Variants in DPP10 observed in about 807,000 individuals in gnomAD.
DPP10 encodes inactive dipeptidyl peptidase 10.
DPP10 carries 33 observed loss-of-function variants against 120.9 expected under a neutral mutation model. The observed-to-expected ratio is 0.27, with a 90% CI of 0.21 to 0.37. The LOEUF is 0.37. DPP10 is among the 10% of genes least tolerant of loss of function. DPP10 has a pLI of 1.00. For synonymous variants in DPP10, 337 were observed against 326.1 expected (o/e 1.03, Z -0.36); for missense variants, 816 against 942.8 (o/e 0.87, Z 1.76).
At chr2:114,826,881 A>G (rs1686594527) in intron 1 of DPP10, among the ~76,000 whole-genome samples, 1 of 152,148 alleles carries the variant, frequency 6.6e-6, no homozygotes, top group Non-Finnish European at 1.5e-5. Context: ...AGTTGTAGAG[A>G]AACATGATTG....
At chr2:115,468,950 A>G (rs891821350) in intron 3 of DPP10, 3 of 221,242 alleles carry the variant, frequency 1.4e-5, no homozygotes, top group African/African-American at 2.5e-5. Flanking sequence ...CTGTTCTTTC[A>G]TAGATACTTT....
chr2:115,572,846 T>C (rs577968419), intron 5 of DPP10, among the ~76,000 whole-genome samples: 37 of 152,304 alleles, frequency 2.4e-4, no homozygotes, highest in African/African-American at 8.2e-4. Context: ...GTAACTCTTA[T>C]GAGAAATACC....
chr2:115,126,477 G>A (rs555355166), intron 1 of DPP10, among the ~76,000 whole-genome samples: 23 of 152,068 alleles, frequency 1.5e-4, no homozygotes, highest in African/African-American at 4.8e-4. Context: ...CTGTCCACCC[G>A]GAGTAGTTGA....
At chr2:115,583,680 A>G (rs2082127111) in intron 5 of DPP10, among the ~76,000 whole-genome samples, 1 of 152,236 alleles carries the variant, frequency 6.6e-6, no homozygotes, top group African/African-American at 2.4e-5. Flanking sequence ...TATTCTACTG[A>G]TCAAATAGTC....
intron 5 of DPP10, among the ~76,000 whole-genome samples, chr2:115,540,922 C>T (rs1194736541): frequency 6.6e-6 from 1 of 151,694 alleles, no homozygotes; most frequent in Non-Finnish European, 1.5e-5. Context: ...TCTTTGTTTG[C>T]AGATTGAATG....
chr2:115,602,574 C>T (rs1387676554), intron 5 of DPP10, among the ~76,000 whole-genome samples: 1 of 151,934 alleles, frequency 6.6e-6, no homozygotes, highest in East Asian at 1.9e-4. Context: ...TTTCATTCTT[C>T]TCTTTCATGT....
chr2:114,663,658 T>TAGAGAGAGAG (rs1385374204), intron 1 of DPP10, among the ~76,000 whole-genome samples: 2 of 91,260 alleles, frequency 2.2e-5, no homozygotes, highest in East Asian at 3.0e-4. Flanking sequence ...TATATATATA[T>TAGAGAGAGAG]ATATATATAT....
At chr2:115,103,396 G>A (rs1434566449) in intron 1 of DPP10, among the ~76,000 whole-genome samples, 2 of 151,978 alleles carry the variant, frequency 1.3e-5, no homozygotes, top group African/African-American at 4.8e-5. Context: ...CACCATGTTA[G>A]CCAGGATGGC....
intron 1 of DPP10, among the ~76,000 whole-genome samples, chr2:114,481,867 A>G (rs1367344774): frequency 6.6e-6 from 1 of 151,138 alleles, no homozygotes; most frequent in Non-Finnish European, 1.5e-5. Context: ...GTTCTTCACA[A>G]GGAGAGAGAG....
chr2:115,157,244 C>CAAAAAAAAAAAAAAAA (rs569338436), intron 1 of DPP10, among the ~76,000 whole-genome samples: 1 of 101,512 alleles, frequency 9.9e-6, no homozygotes, highest in African/African-American at 3.6e-5. Flanking sequence ...TTAAATATAG[C>CAAAAAAAAAAAAAAAA]AAAAAAAAAA....
intron 3 of DPP10, among the ~76,000 whole-genome samples, chr2:115,477,695 A>T (rs565364836): frequency 6.6e-6 from 1 of 152,304 alleles, no homozygotes; most frequent in African/African-American, 2.4e-5. Context: ...AATCAGTACA[A>T]TCCTCAATAT....
intron 1 of DPP10, among the ~76,000 whole-genome samples, chr2:115,124,535 T>G (rs1311687107): frequency 6.6e-6 from 1 of 152,218 alleles, no homozygotes; most frequent in Non-Finnish European, 1.5e-5. Flanking sequence ...TCACTCCTGA[T>G]GTTTCTTCAG....
intron 1 of DPP10, among the ~76,000 whole-genome samples, chr2:114,750,051 T>C (rs1558701123): frequency 6.6e-6 from 1 of 152,210 alleles, no homozygotes. Context: ...TTTTCCCTTG[T>C]GCTTTTCTGT....
At chr2:115,200,768 T>C (rs2055649047) in intron 1 of DPP10, among the ~76,000 whole-genome samples, 1 of 152,212 alleles carries the variant, frequency 6.6e-6, no homozygotes, top group Admixed American at 6.5e-5. Flanking sequence ...ATTTTATTAC[T>C]GTTTATACTT....
chr2:115,642,907 A>G (rs1406511217), intron 5 of DPP10, among the ~76,000 whole-genome samples: 1 of 152,106 alleles, frequency 6.6e-6, no homozygotes, highest in African/African-American at 2.4e-5. Flanking sequence ...TACTATTGAA[A>G]AAATTTACAT....
intron 1 of DPP10, among the ~76,000 whole-genome samples, chr2:114,541,112 T>C (rs1042495361): frequency 4.6e-5 from 7 of 152,186 alleles, no homozygotes; most frequent in Admixed American, 4.6e-4. Context: ...ACTTGGAAAA[T>C]AGCTTCTCTG....
In DPP10 at chr2:115,045,583, G is replaced by A. The variant is rs925059077; in HGVS notation, c.61-263656G>A. On this transcript the variant is annotated intron_variant, in intron 1 of 25. Transcript: ENST00000410059. ...GCACTGAGTTCTAATGCAAAGTCCCGCAATCACTGCACTCACCCTCTCTCA... is the reference window on the plus strand; with the variant it reads ...GCACTGAGTTCTAATGCAAAGTCCCACAATCACTGCACTCACCCTCTCTCA... Among the ~76,000 whole-genome samples the A allele has an allele frequency of 3.3e-5, 5 of 152,178 alleles. No homozygotes were observed. The South Asian group carries it at 6.2e-4, about 19-fold the overall frequency.
chr2:115,203,903 A>G (rs966940131), intron 1 of DPP10, among the ~76,000 whole-genome samples: 2 of 152,128 alleles, frequency 1.3e-5, no homozygotes, highest in Non-Finnish European at 2.9e-5. Flanking sequence ...CCTAATTTTC[A>G]TATTAAAGTA....
At chr2:114,667,098 GTTCATGGGCTCCAAAATAAGGC>G (rs1178130832) in intron 1 of DPP10, among the ~76,000 whole-genome samples, 1 of 152,128 alleles carries the variant, frequency 6.6e-6, no homozygotes, top group African/African-American at 2.4e-5. Flanking sequence ...GTGTGGCTGT[GTTCATGGGCTCCAAAATAAGGC>G]CTGGCTGGAT....
Sources: gnomAD v4.1 joint callset for allele counts (sites outside exome capture counted in the v4.1 genomes callset) on GRCh38, gnomAD v4.1.1 for gene constraint, MANE v1.5 for transcripts, NCBI Gene and HGNC (gene_info 2026-07-23, HGNC 2026-07-21) for gene names.